Variants in TGDS observed in about 807,000 individuals in gnomAD.
The protein encoded by TGDS is UDP-D-glucose 4,6-dehydratase.
In TGDS, 47 loss-of-function variants were observed where a neutral mutation model predicts 52.3. The ratio of observed to expected loss-of-function variants is 0.90; its 90% CI spans 0.71 to 1.15. TGDS has a LOEUF of 1.15. Ranked by LOEUF, TGDS falls within the 50% of genes most tolerant of loss-of-function variation. The pLI, the probability that TGDS is intolerant of heterozygous loss-of-function variation, is 0.00. For missense variants in TGDS, 375 were observed against 418.4 expected (o/e 0.90, Z 0.90); for synonymous variants, 115 against 136.9 (o/e 0.84, Z 1.12).
Position 94,587,515 on chromosome 13 carries a change from C to CAAAAGTTTATAAACAAAA in TGDS, c.313+3337_313+3338insTTTTGTTTATAAACTTTT, listed in dbSNP as rs1188787673. 4.3e-3 allele frequency among the ~76,000 whole-genome samples: 661 copies of CAAAAGTTTATAAACAAAA among 152,034 alleles called. 4 individuals are homozygous for CAAAAGTTTATAAACAAAA. The highest frequency in any genetic ancestry group is 0.015 in the African/African-American group (614 of 41,490). On this transcript the variant is annotated intron_variant, in intron 4 of 11. Transcript: ENST00000261296. ...AATAGAGCCGAGAAACAAAAGCATA[C>CAAAAGTTTATAAACAAAA]GTATATAAACATTTGACCCATGACA... is the stretch of plus-strand genomic sequence containing the variant.
intron 10 of TGDS, among the ~76,000 whole-genome samples, chr13:94,576,906 T>G (rs1042894171): frequency 1.3e-5 from 2 of 151,996 alleles, no homozygotes; most frequent in African/African-American, 2.4e-5. Flanking sequence ...ATCGAGACAA[T>G]CCTGGCCAAC....
chr13:94,581,519 C>T (rs1051693132), intron 5 of TGDS, among the ~76,000 whole-genome samples: 2 of 152,190 alleles, frequency 1.3e-5, no homozygotes, highest in African/African-American at 4.8e-5. Flanking sequence ...CACCGTAAAA[C>T]AATGACTGAT....
chr13:94,582,999 T>A, intron 5 of TGDS, 95 bp downstream of exon 5: 1 of 1,325,540 alleles, frequency 7.5e-7, no homozygotes, highest in Non-Finnish European at 1.0e-6. Flanking sequence ...CACAAGTGTA[T>A]ATAATTTGAG....
intron 8 of TGDS, 29 bp downstream of exon 8, chr13:94,578,701 A>T: frequency 6.7e-7 from 1 of 1,502,868 alleles, no homozygotes; most frequent in Non-Finnish European, 9.2e-7. Flanking sequence ...CCAGAAAAGC[A>T]TATGGGTAAA....
At chr13:94,574,959 G>A in intron 11 of TGDS, 107 bp from the exon 12 acceptor site, 5 of 629,872 alleles carry the variant, frequency 7.9e-6, no homozygotes, top group African/African-American at 5.6e-5. Context: ...TTGCCCATCA[G>A]CTAAGCAGCA....
intron 4 of TGDS, among the ~76,000 whole-genome samples, chr13:94,586,751 ATTTTTTTTTTT>A (rs55763244): frequency 5.4e-5 from 2 of 36,842 alleles, no homozygotes; most frequent in Non-Finnish European, 5.4e-5. Flanking sequence ...AAATCAAATT[ATTTTTTTTTTT>A]TTTTTTTTTT....
rs16949940 is a variant in TGDS, at chr13:94,578,623, G to A, written c.659+107C>T. 0.26 allele frequency: 196,409 copies of A among 746,946 alleles called. 30,693 individuals are homozygous for A. Among genetic ancestry groups the A allele is most frequent in the African/African-American group, 0.57 (31,479 of 54,906 alleles). 46.3% of individuals were successfully genotyped at this position (746,946 alleles called of 1,614,324 possible). On this transcript the variant is annotated intron_variant, in intron 8 of 11. Transcript: ENST00000261296. ...GAGAAATGATTCTTAAATTTAGTGG[G>A]GCATTCAATTCTATGGCCTTTAAGA...
intron 7 of TGDS, 85 bp downstream of exon 7, chr13:94,579,809 A>G: frequency 2.7e-6 from 2 of 745,604 alleles, no homozygotes; most frequent in South Asian, 1.8e-5. Flanking sequence ...ATATTATTTT[A>G]GACAAATAAC....
In TGDS at chr13:94,576,397, A is replaced by G. The variant is rs1432373497; in HGVS notation, c.899T>C (p.Met300Thr). The part of the protein sequence containing the change: ...DYVNDRPTND[M>T]RYPMKSEKIH... ...TTTTTCTGACTTCATTGGGTATCTC[A>G]TGTCATTGGTGGGTCTTGGAAAACA... The change falls in exon 11 of 12, where the codon ATG becomes ACG. Residue 300 changes from methionine (M) to threonine (T), a missense_variant. Transcript: ENST00000261296. 2 of 1,588,792 alleles carry G rather than the reference A, an allele frequency of 1.3e-6. No individual in the cohort carries two copies. The highest frequency in any genetic ancestry group is 1.7e-5 in the Admixed American group (1 of 57,802).
At chr13:94,594,279 C>G (rs1889300348) in intron 1 of TGDS, among the ~76,000 whole-genome samples, 1 of 152,182 alleles carries the variant, frequency 6.6e-6, no homozygotes, top group African/African-American at 2.4e-5. Context: ...CATGCCTTTT[C>G]AGGAACTGCA....
rs1236824871 is a variant in TGDS at position 94,576,179 on chromosome 13, T to C, written c.982+135A>G. 5 of 518,334 alleles carry C rather than the reference T, an allele frequency of 9.6e-6. No individual in the cohort carries two copies. The South Asian group carries it at 2.2e-4, about 23-fold the overall frequency. 32.1% of individuals were successfully genotyped at this position (518,334 alleles called of 1,614,324 possible). A position where few individuals can be genotyped will look rare whatever the true frequency, so the allele number is the denominator to read the frequency against. On this transcript the variant is annotated intron_variant, in intron 11 of 11. Transcript: ENST00000261296. Reference sequence around the variant, plus strand: ...AAACACAGGACTGCTACTAGAAATATATGAAATGTGGCAATTTGAAAAGTA... The same window carrying C: ...AAACACAGGACTGCTACTAGAAATACATGAAATGTGGCAATTTGAAAAGTA...
intron 4 of TGDS, among the ~76,000 whole-genome samples, chr13:94,586,133 T>C (rs955492418): frequency 1.3e-5 from 2 of 151,196 alleles, no homozygotes; most frequent in Non-Finnish European, 2.9e-5. Flanking sequence ...ACAGAACAGG[T>C]GGGAAAAGAA....
rs761635228 is a variant in TGDS at position 94,581,152 on chromosome 13, G to C, written c.494C>G (p.Pro165Arg). Residue 165 changes from proline to arginine, a missense_variant, in exon 6 of 12, where the codon CCT (proline) becomes CGT (arginine). Physicochemically the swap from Pro to Arg is moderately radical, Grantham distance 103. Transcript: ENST00000261296. ...DESSPKQPTN[P>R]YASSKAAAEC... ...AGCAGCTGCTTTAGATGATGCATAA[G>C]GATTTGTAGGTTGTTTGGGTGAAGA... The C allele has an allele frequency of 8.2e-6, 13 of 1,594,514 alleles. No individual in the cohort carries two copies. Among genetic ancestry groups the C allele is most frequent in the Non-Finnish European group, 1.7e-6 (2 of 1,169,940 alleles).
At chr13:94,576,939 A>G (rs1888622227) in intron 10 of TGDS, among the ~76,000 whole-genome samples, 1 of 152,126 alleles carries the variant, frequency 6.6e-6, no homozygotes, top group East Asian at 1.9e-4. Context: ...CGTCTCTACT[A>G]AAAATACGAA....
At chr13:94,580,621 T>C (rs548227228) in intron 6 of TGDS, among the ~76,000 whole-genome samples, 3 of 152,216 alleles carry the variant, frequency 2.0e-5, no homozygotes, top group African/African-American at 7.2e-5. Context: ...TCTGTCTTCC[T>C]CCACTCATAG....
chr13:94,595,445 A>G (rs1264967873), intron 1 of TGDS, among the ~76,000 whole-genome samples: 1 of 152,210 alleles, frequency 6.6e-6, no homozygotes, highest in Non-Finnish European at 1.5e-5. Context: ...ACATGAGTGG[A>G]CGCAGTTATG....
At position 94,577,427 on chromosome 13, in the gene TGDS, G is replaced by T; in HGVS notation, c.828C>A (p.Ile276=). ...VQLAKELIQL[I]KETNSESEME... ...TTTCAGACTCTGAATTGGTCTCTTTGATCTGTCAAAATGGAAAAAGCTTTT... is the reference window on the plus strand; with the variant it reads ...TTTCAGACTCTGAATTGGTCTCTTTTATCTGTCAAAATGGAAAAAGCTTTT... Residue 276 remains isoleucine, a splice_region_variant and synonymous_variant, in exon 10 of 12, where the codon ATC becomes ATA. Transcript: ENST00000261296. 1 of 1,566,866 alleles carries T rather than the reference G, an allele frequency of 6.4e-7. No individual in the cohort carries two copies. The highest frequency in any genetic ancestry group is 1.2e-5 in the South Asian group (1 of 82,518).
chr13:94,591,026 A>T, intron 3 of TGDS, 83 bp from the exon 4 acceptor site: 1 of 844,162 alleles, frequency 1.2e-6, no homozygotes. Flanking sequence ...GCATCCCCCT[A>T]CCTCCCACCT....
Position 94,593,171 on chromosome 13 carries a change from T to C in TGDS, c.153+670A>G, listed in dbSNP as rs936341408. Among the ~76,000 whole-genome samples, 3 of 152,086 alleles carry C rather than the reference T, an allele frequency of 2.0e-5. No homozygotes were observed. In the South Asian group the frequency reaches 6.2e-4, roughly 32 times the overall value. On this transcript the variant is annotated intron_variant, in intron 2 of 11. Transcript: ENST00000261296. ...CCATTTCAAAGAAAAAAAAAAATGTTCATGCCAAAATTTGCCTGTAGCCAC... is the reference window on the plus strand; with the variant it reads ...CCATTTCAAAGAAAAAAAAAAATGTCCATGCCAAAATTTGCCTGTAGCCAC...
Sources: gnomAD v4.1 joint callset for allele counts (sites outside exome capture counted in the v4.1 genomes callset) on GRCh38, gnomAD v4.1.1 for gene constraint, MANE v1.5 for transcripts, NCBI Gene and HGNC (gene_info 2026-07-23, HGNC 2026-07-21) for gene names.